The following RAPH1 variants were observed in gnomAD, a reference collection of about 807,000 sequenced individuals.
RAPH1 encodes the protein Ras association (RalGDS/AF-6) and pleckstrin homology domains 1, also known as ras-associated and pleckstrin homology domains-containing protein 1.
A neutral mutation model predicts 88.1 loss-of-function variants in RAPH1; 18 were observed. The ratio of observed to expected loss-of-function variants is 0.20; its 90% CI spans 0.14 to 0.30. The LOEUF is 0.30. Among genes scored for constraint, RAPH1 ranks in the 10% least tolerant of loss-of-function variants. The pLI, the probability that RAPH1 is intolerant of heterozygous loss-of-function variation, is 1.00. For synonymous variants in RAPH1, 587 were observed against 559.0 expected (o/e 1.05, Z -0.71); for missense variants, 1,448 against 1,543.2 (o/e 0.94, Z 1.03).
chr2:203,477,029 G>A (rs1204489356), intron 4 of RAPH1: 4 of 1,280,976 alleles, frequency 3.1e-6, no homozygotes, highest in African/African-American at 1.5e-5. Flanking sequence ...TCTAATGAAT[G>A]CATTCCTCTT....
intron 13 of RAPH1, chr2:203,444,427 T>TCA (rs2098507426): frequency 1.8e-5 from 1 of 54,616 alleles, no homozygotes; most frequent in Non-Finnish European, 3.1e-5. Flanking sequence ...TGACACTCTG[T>TCA]CAAAAAAAAA....
At chr2:203,500,194 A>T (rs1235724701) in intron 1 of RAPH1, among the ~76,000 whole-genome samples, 1 of 152,220 alleles carries the variant, frequency 6.6e-6, no homozygotes. Flanking sequence ...TAAGTGCTAT[A>T]AAAGAGGTAT....
chr2:203,455,995 C>T (rs949019451), intron 8 of RAPH1, among the ~76,000 whole-genome samples: 2 of 151,904 alleles, frequency 1.3e-5, no homozygotes, highest in African/African-American at 2.4e-5. Context: ...GGCAACAGAG[C>T]GAGACTCTGT....
intron 6 of RAPH1, among the ~76,000 whole-genome samples, chr2:203,460,448 A>G (rs1259163908): frequency 6.6e-6 from 1 of 152,188 alleles, no homozygotes; most frequent in African/African-American, 2.4e-5. Context: ...TCTTAAACAT[A>G]TATGTATTTT....
At chr2:203,444,433 A>G (rs1174387031) in intron 13 of RAPH1, 1 of 154,970 alleles carries the variant, frequency 6.5e-6, no homozygotes, top group African/African-American at 2.4e-5. Flanking sequence ...TCTGTCAAAA[A>G]AAAAAAAAAA....
chr2:203,503,199 A>C (rs1209085493), intron 1 of RAPH1, among the ~76,000 whole-genome samples: 1 of 152,194 alleles, frequency 6.6e-6, no homozygotes, highest in African/African-American at 2.4e-5. Flanking sequence ...TTTTAATGAG[A>C]ATAAGCATTC....
chr2:203,498,455 G>A (rs561862640), intron 1 of RAPH1, among the ~76,000 whole-genome samples: 6 of 152,134 alleles, frequency 3.9e-5, no homozygotes, highest in Non-Finnish European at 7.4e-5. Flanking sequence ...ACGAACCATT[G>A]TGATAGGCAG....
Position 203,440,314 on chromosome 2 carries a change from T to G in RAPH1, c.2876A>C (p.Lys959Thr). Residue 959 changes from lysine (K) to threonine (T), a missense_variant, in exon 14 of 14, where the codon AAG becomes ACG. Physicochemically the swap from Lys to Thr is moderately conservative, Grantham distance 78 (BLOSUM62 -1). Coordinates refer to ENST00000319170, the MANE Select transcript of RAPH1 (RefSeq NM_213589.3). ...CCCAGGGCTGGACGTCTTACTGGTC[T>G]TTTTGCCTGGAGATCCACTTTTGTC... The part of the protein sequence containing the change: ...TPDKSGSPGK[K>T]TSKTSSPGGK... 1 of 1,613,022 alleles carries G rather than the reference T, an allele frequency of 6.2e-7. No homozygotes were observed. The highest frequency in any genetic ancestry group is 8.5e-7 in the Non-Finnish European group (1 of 1,179,480).
chr2:203,446,382 T>G (rs2098509671), intron 12 of RAPH1: 1 of 152,216 alleles, frequency 6.6e-6, no homozygotes, highest in Admixed American at 6.5e-5. Context: ...GATACTGACC[T>G]TGACCACATG....
intron 4 of RAPH1, among the ~76,000 whole-genome samples, chr2:203,486,790 C>T (rs1181086406): frequency 6.6e-6 from 1 of 152,126 alleles, no homozygotes; most frequent in Non-Finnish European, 1.5e-5. Context: ...ACAGACTAGA[C>T]CTAGGAAAAA....
At chr2:203,498,512 G>A (rs1688610228) in intron 1 of RAPH1, among the ~76,000 whole-genome samples, 1 of 152,152 alleles carries the variant, frequency 6.6e-6, no homozygotes, top group Admixed American at 6.5e-5. Flanking sequence ...TAATCAGAAA[G>A]GGTGGCAAGC....
At position 203,440,169 on chromosome 2, in the gene RAPH1, T is replaced by C; in HGVS notation, c.3021A>G (p.Pro1007=). ...VDSLVSKFTP[P]AESGSPSKET... ...CCTTGCTGGGAGACCCTGATTCTGC[T>C]GGCGGTGTAAACTTGCTGACTAGAC... is the stretch of plus-strand genomic sequence containing the variant. Residue 1007 remains proline, a synonymous_variant, in exon 14 of 14, where the codon CCA becomes CCG. Coordinates refer to ENST00000319170, the MANE Select transcript of RAPH1 (RefSeq NM_213589.3). The C allele has an allele frequency of 6.2e-7, 1 of 1,613,750 alleles. No homozygotes were observed. The highest frequency in any genetic ancestry group is 8.5e-7 in the Non-Finnish European group (1 of 1,179,984).
intron 1 of RAPH1, among the ~76,000 whole-genome samples, chr2:203,501,761 A>T (rs1688747497): frequency 6.7e-6 from 1 of 150,124 alleles, no homozygotes; most frequent in African/African-American, 2.4e-5. Context: ...GGTTCTACTT[A>T]GGATCCAAAC....
intron 13 of RAPH1, 127 bp downstream of exon 13, chr2:203,444,741 T>C (rs74396768): frequency 0.045 from 35,528 of 797,412 alleles, 958 homozygotes; most frequent in Non-Finnish European, 0.055. Context: ...ATTAGGAAGA[T>C]TGAAAATTAA....
At position 203,506,812 on chromosome 2, in the gene RAPH1, C is replaced by CTATATATCTAGA. The variant is rs1553630463; in HGVS notation, c.1-11460_1-11459insTCTAGATATATA. On this transcript the variant is annotated intron_variant, in intron 1 of 13. Transcript: ENST00000319170. ...TATATATCTATATATATATCTATATCTATATATCTATATATATATCTATAT... is the reference window on the plus strand; with the variant it reads ...TATATATCTATATATATATCTATATCTATATATCTAGATATATATCTATATATATATCTATAT... Among the ~76,000 whole-genome samples the CTATATATCTAGA allele has an allele frequency of 1.2e-3, 61 of 52,216 alleles. 4 individuals are homozygous for CTATATATCTAGA. Among genetic ancestry groups the CTATATATCTAGA allele is most frequent in the South Asian group, 2.4e-3 (4 of 1,664 alleles). The allele number at this position is 52,216 out of a possible 152,430, so 34.3% of individuals were successfully genotyped here. A position where few individuals can be genotyped will look rare whatever the true frequency, so the allele number is the denominator to read the frequency against.
In RAPH1 at chr2:203,433,841, T is replaced by A. The variant is rs1016318707; in HGVS notation, c.*5596A>T. 5 of 152,338 alleles carry A rather than the reference T, an allele frequency of 3.3e-5. No homozygotes were observed. The highest frequency in any genetic ancestry group is 2.1e-4 in the South Asian group (1 of 4,832). The allele number at this position is 152,338 out of a possible 1,614,324, so 9.4% of individuals were successfully genotyped here. ...TTAAATGAAATCTATGAATTTTTTT[T>A]ATTAAGGATTTGATAAGCTGATATA... On this transcript the variant is annotated 3_prime_UTR_variant, in exon 14 of 14. Coordinates refer to ENST00000319170, the MANE Select transcript of RAPH1 (RefSeq NM_213589.3).
intron 4 of RAPH1, among the ~76,000 whole-genome samples, chr2:203,480,056 A>G (rs1463032494): frequency 3.3e-5 from 5 of 152,204 alleles, no homozygotes; most frequent in Non-Finnish European, 7.3e-5. Context: ...AGTTTTGAAA[A>G]CTTTCATTTG....
At position 203,486,104 on chromosome 2, in the gene RAPH1, A is replaced by AG. The variant is rs537291676; in HGVS notation, c.732+3479_732+3480insC. On this transcript the variant is annotated intron_variant, in intron 4 of 13. Coordinates refer to ENST00000319170, the MANE Select transcript of RAPH1 (RefSeq NM_213589.3). ...AATCCTGAAGACTACAAAAAAAAAAAAAAGAAAGAAAAGAAATAAATAGAA... is the reference window on the plus strand; with the variant it reads ...AATCCTGAAGACTACAAAAAAAAAAAGAAAGAAAGAAAAGAAATAAATAGAA... 3.9e-5 allele frequency among the ~76,000 whole-genome samples: 6 copies of AG among 151,976 alleles called. No individual in the cohort carries two copies. The East Asian group carries it at 1.2e-3, about 29-fold the overall frequency.
intron 1 of RAPH1, among the ~76,000 whole-genome samples, chr2:203,518,731 C>T (rs1229418174): frequency 6.6e-6 from 1 of 151,820 alleles, no homozygotes; most frequent in Non-Finnish European, 1.5e-5. Context: ...GCCTGTAGTC[C>T]TAGTTACTTG....
Sources: allele counts gnomAD v4.1 joint callset (sites outside exome capture counted in the v4.1 genomes callset), GRCh38; gene constraint gnomAD v4.1.1; transcripts MANE v1.5; gene names NCBI Gene and HGNC (gene_info 2026-07-23, HGNC 2026-07-21).